Variants in TNPO3 observed in about 807,000 individuals in gnomAD.
The protein encoded by TNPO3 is transportin-3.
A neutral mutation model predicts 122.8 loss-of-function variants in TNPO3; 65 were observed. The ratio of observed to expected loss-of-function variants is 0.53; its 90% CI spans 0.43 to 0.65. The LOEUF (loss-of-function observed/expected upper bound fraction) is 0.65. Ranked by LOEUF, TNPO3 falls within the 30% of genes least tolerant of loss-of-function variation. The pLI is 0.00. For missense variants in TNPO3, 850 were observed against 1,136.7 expected, an observed-to-expected ratio of 0.75 and a Z score of 3.63; for synonymous variants, 372 against 411.2, an observed-to-expected ratio of 0.90 and a Z score of 1.15.
chr7:128,986,671 A>G, intron 12 of TNPO3, 58 bp downstream of exon 12: 1 of 1,474,832 alleles, frequency 6.8e-7, no homozygotes, highest in Non-Finnish European at 9.2e-7. Context: ...GACAGATGTA[A>G]GATTACCCCA....
intron 1 of TNPO3, among the ~76,000 whole-genome samples, chr7:129,032,023 CA>C (rs1473218972): frequency 6.6e-6 from 1 of 152,110 alleles, no homozygotes; most frequent in Non-Finnish European, 1.5e-5. Context: ...ACATCATCAT[CA>C]AGTGGGATTT....
chr7:129,013,934 T>TA (rs947833171), intron 4 of TNPO3, among the ~76,000 whole-genome samples: 3 of 151,794 alleles, frequency 2.0e-5, no homozygotes, highest in Non-Finnish European at 4.4e-5. Context: ...CTCATAGAGG[T>TA]AAAGAGTAGA....
intron 1 of TNPO3, among the ~76,000 whole-genome samples, chr7:129,039,149 G>C (rs982637690): frequency 6.6e-6 from 1 of 152,088 alleles, no homozygotes; most frequent in African/African-American, 2.4e-5. Context: ...CAAAAAGACA[G>C]ACAACAACAA....
intron 1 of TNPO3, among the ~76,000 whole-genome samples, chr7:129,037,969 G>A (rs1249054321): frequency 6.6e-6 from 1 of 152,144 alleles, no homozygotes; most frequent in Non-Finnish European, 1.5e-5. Context: ...CGCCCTACCA[G>A]AGAGAATGGC....
chr7:128,977,307 A>G (rs1255852590), intron 16 of TNPO3, among the ~76,000 whole-genome samples: 1 of 152,256 alleles, frequency 6.6e-6, no homozygotes, highest in Non-Finnish European at 1.5e-5. Flanking sequence ...GGGGCAGTCT[A>G]TCAAGTTGTA....
chr7:128,996,189 G>A (rs1014389409), intron 8 of TNPO3, among the ~76,000 whole-genome samples: 9 of 152,106 alleles, frequency 5.9e-5, no homozygotes, highest in African/African-American at 1.9e-4. Flanking sequence ...ATTAAAGGAC[G>A]GATTCAACCA....
At chr7:129,045,309 T>C (rs972611773) in intron 1 of TNPO3, among the ~76,000 whole-genome samples, 15 of 152,140 alleles carry the variant, frequency 9.9e-5, no homozygotes, top group Admixed American at 9.2e-4. Flanking sequence ...TGTCAATGTA[T>C]GTAATACCAC....
At chr7:129,026,612 A>G (rs1805210152) in intron 1 of TNPO3, among the ~76,000 whole-genome samples, 1 of 152,066 alleles carries the variant, frequency 6.6e-6, no homozygotes, top group Non-Finnish European at 1.5e-5. Flanking sequence ...CATGTTGGCC[A>G]GGCTGGTCTC....
At position 129,007,864 on chromosome 7, in the gene TNPO3, G is replaced by T. The variant is rs571112532; in HGVS notation, c.553-2705C>A. 8.2e-4 allele frequency among the ~76,000 whole-genome samples: 125 copies of T among 152,248 alleles called. 2 individuals carry two copies. Among genetic ancestry groups the T allele is most frequent in the African/African-American group, 2.8e-3 (118 of 41,554 alleles). Reference sequence around the variant, plus strand: ...CCAAGTATTTATAGAAGGAAGAATGGCAGGGGCCGGGTGTGGTGGCTCACG... The same window carrying T: ...CCAAGTATTTATAGAAGGAAGAATGTCAGGGGCCGGGTGTGGTGGCTCACG... On this transcript the variant is annotated intron_variant, in intron 4 of 22. Coordinates refer to ENST00000265388, the MANE Select transcript of TNPO3 (RefSeq NM_012470.4).
chr7:128,987,271 A>C (rs1030167723), intron 11 of TNPO3, among the ~76,000 whole-genome samples: 3 of 152,230 alleles, frequency 2.0e-5, no homozygotes, highest in African/African-American at 7.2e-5. Flanking sequence ...TGCAAAGCTC[A>C]GGGAGTTACA....
chr7:129,049,102 A>G (rs1269830905), intron 1 of TNPO3, among the ~76,000 whole-genome samples: 3 of 152,236 alleles, frequency 2.0e-5, no homozygotes, highest in African/African-American at 7.2e-5. Flanking sequence ...TGGGCTTTCA[A>G]AAGATGAGTT....
chr7:129,012,946 C>T (rs1296236873), intron 4 of TNPO3, among the ~76,000 whole-genome samples: 1 of 152,166 alleles, frequency 6.6e-6, no homozygotes, highest in Non-Finnish European at 1.5e-5. Flanking sequence ...TAGATTTACA[C>T]ACTCCTGCTC....
intron 8 of TNPO3, among the ~76,000 whole-genome samples, chr7:128,995,006 C>T (rs1408130863): frequency 6.6e-6 from 1 of 152,048 alleles, no homozygotes; most frequent in African/African-American, 2.4e-5. Context: ...CACTATATTA[C>T]CCAGGCTGGT....
At chr7:129,050,096 G>T (rs1284509832) in intron 1 of TNPO3, among the ~76,000 whole-genome samples, 6 of 151,748 alleles carry the variant, frequency 4.0e-5, no homozygotes, top group Non-Finnish European at 7.4e-5. Flanking sequence ...AGGGTGAGGT[G>T]GGGTGGGCTG....
intron 11 of TNPO3, among the ~76,000 whole-genome samples, chr7:128,988,716 C>T (rs1000128416): frequency 4.6e-5 from 7 of 151,870 alleles, no homozygotes; most frequent in African/African-American, 1.5e-4. Flanking sequence ...GAAAAGAAAG[C>T]CAAATGTTGA....
At chr7:129,009,988 C>A (rs774755793) in intron 4 of TNPO3, among the ~76,000 whole-genome samples, 39 of 151,942 alleles carry the variant, frequency 2.6e-4, no homozygotes, top group Non-Finnish European at 5.1e-4. Context: ...GAACATGAGT[C>A]CATCATACTT....
intron 1 of TNPO3, among the ~76,000 whole-genome samples, chr7:129,046,217 A>AAAAAAAAT (rs1808036054): frequency 6.7e-6 from 1 of 149,954 alleles, no homozygotes. Flanking sequence ...AAAAAAAAAA[A>AAAAAAAAT]GAAACTGATT....
intron 21 of TNPO3, among the ~76,000 whole-genome samples, chr7:128,966,372 T>C (rs182111069): frequency 1.3e-5 from 2 of 152,328 alleles, no homozygotes; most frequent in Admixed American, 1.3e-4. Flanking sequence ...TGTATGATTA[T>C]AAGTCATTGT....
chr7:129,054,409 A>T (rs373258990), intron 1 of TNPO3, among the ~76,000 whole-genome samples: 5 of 152,340 alleles, frequency 3.3e-5, no homozygotes, highest in East Asian at 3.9e-4. Flanking sequence ...CCACAATCGA[A>T]GAGTATAAGA....
Sources: gnomAD v4.1 joint callset for allele counts (sites outside exome capture counted in the v4.1 genomes callset) on GRCh38, gnomAD v4.1.1 for gene constraint, MANE v1.5 for transcripts, NCBI Gene and HGNC (gene_info 2026-07-23, HGNC 2026-07-21) for gene names.